The following CDH7 variants were observed in gnomAD, a reference collection of about 807,000 sequenced individuals.
The protein encoded by CDH7 is cadherin 7.
In CDH7, 25 loss-of-function variants were observed where a neutral mutation model predicts 71.8. That is an observed-to-expected ratio of 0.35 (90% confidence interval 0.25 to 0.49). The LOEUF (loss-of-function observed/expected upper bound fraction) is 0.49. Ranked by LOEUF, CDH7 falls within the 20% of genes least tolerant of loss-of-function variation. The probability of loss-of-function intolerance (pLI) is 0.99; values close to 1 mark genes in which losing one functional copy is unlikely to be tolerated. For missense variants in CDH7, 862 were observed against 974.6 expected, an observed-to-expected ratio of 0.88 and a Z score of 1.54; for synonymous variants, 381 against 363.8, an observed-to-expected ratio of 1.05 and a Z score of -0.54.
chr18:65,759,741 T>G (rs1916139220), intron 1 of CDH7, among the ~76,000 whole-genome samples: 1 of 152,166 alleles, frequency 6.6e-6, no homozygotes, highest in South Asian at 2.1e-4. Flanking sequence ...CAATCCAAGG[T>G]CGTACAAAGT....
At chr18:65,804,107 A>G (rs1197659276) in intron 2 of CDH7, among the ~76,000 whole-genome samples, 1 of 152,156 alleles carries the variant, frequency 6.6e-6, no homozygotes, top group Non-Finnish European at 1.5e-5. Context: ...CACAATACAT[A>G]TTATCTCTTT....
At chr18:65,813,446 A>G (rs1277985335) in intron 3 of CDH7, among the ~76,000 whole-genome samples, 2 of 152,198 alleles carry the variant, frequency 1.3e-5, no homozygotes, top group African/African-American at 4.8e-5. Context: ...AATGAAATAT[A>G]TATAGAAAAT....
intron 2 of CDH7, among the ~76,000 whole-genome samples, chr18:65,805,527 G>A (rs1271963586): frequency 6.6e-6 from 1 of 152,048 alleles, no homozygotes; most frequent in Non-Finnish European, 1.5e-5. Flanking sequence ...AAAGAAGGAG[G>A]ATCAAGAGTC....
At chr18:65,789,852 T>C (rs1198591587) in intron 2 of CDH7, among the ~76,000 whole-genome samples, 1 of 152,094 alleles carries the variant, frequency 6.6e-6, no homozygotes, top group East Asian at 1.9e-4. Context: ...GTAGGTACTA[T>C]TCAATGAATG....
At chr18:65,844,275 G>A (rs184087150) in intron 7 of CDH7, among the ~76,000 whole-genome samples, 1 of 146,966 alleles carries the variant, frequency 6.8e-6, no homozygotes. Context: ...GGCCATTATC[G>A]TTGAGCCATA....
At chr18:65,841,274 T>TA (rs1381622287) in intron 6 of CDH7, among the ~76,000 whole-genome samples, 1 of 152,136 alleles carries the variant, frequency 6.6e-6, no homozygotes, top group East Asian at 1.9e-4. Context: ...TAGATACATT[T>TA]AAAAAAACAA....
chr18:65,846,634 G>A (rs1488284504), intron 7 of CDH7, among the ~76,000 whole-genome samples: 2 of 151,976 alleles, frequency 1.3e-5, no homozygotes, highest in Non-Finnish European at 2.9e-5. Flanking sequence ...TATCCCTTAA[G>A]AGGCCAGTCT....
At chr18:65,826,799 C>G (rs1912147812) in intron 6 of CDH7, among the ~76,000 whole-genome samples, 1 of 151,244 alleles carries the variant, frequency 6.6e-6, no homozygotes, top group African/African-American at 2.4e-5. Flanking sequence ...TCTACTTTGA[C>G]TATTATTAGA....
At chr18:65,767,140 G>T (rs1472089080) in intron 2 of CDH7, among the ~76,000 whole-genome samples, 1 of 149,824 alleles carries the variant, frequency 6.7e-6, no homozygotes, top group Admixed American at 6.7e-5. Context: ...CTCATTCAGG[G>T]AAAGTTTATA....
intron 7 of CDH7, among the ~76,000 whole-genome samples, chr18:65,856,498 G>A (rs1913361496): frequency 6.6e-6 from 1 of 152,114 alleles, no homozygotes; most frequent in Admixed American, 6.6e-5. Context: ...AGAGTAAGAT[G>A]CTTGAAGTAG....
At chr18:65,850,299 C>G (rs1323119201) in intron 7 of CDH7, among the ~76,000 whole-genome samples, 1 of 150,924 alleles carries the variant, frequency 6.6e-6, no homozygotes, top group Non-Finnish European at 1.5e-5. Flanking sequence ...GGGAATATTA[C>G]TTTTTATCAT....
chr18:65,849,782 T>TA (rs1913080918), intron 7 of CDH7, among the ~76,000 whole-genome samples: 1 of 152,152 alleles, frequency 6.6e-6, no homozygotes. Context: ...CTTTCTTAGT[T>TA]ACCTTTTTGG....
intron 11 of CDH7, among the ~76,000 whole-genome samples, chr18:65,879,640 T>C (rs2144070898): frequency 6.6e-6 from 1 of 152,302 alleles, no homozygotes; most frequent in Admixed American, 6.5e-5. Context: ...CCAGTGTAGT[T>C]GTTCTTATTT....
chr18:65,812,487 G>A (rs1415862583), intron 3 of CDH7, among the ~76,000 whole-genome samples: 2 of 152,152 alleles, frequency 1.3e-5, no homozygotes, highest in Non-Finnish European at 2.9e-5. Flanking sequence ...TAATCAAAGT[G>A]CTTAAGTCTA....
intron 2 of CDH7, among the ~76,000 whole-genome samples, chr18:65,771,990 C>A (rs1916558221): frequency 6.6e-6 from 1 of 152,146 alleles, no homozygotes; most frequent in South Asian, 2.1e-4. Context: ...AAATGATTAA[C>A]ATCATTCTAG....
intron 5 of CDH7, among the ~76,000 whole-genome samples, chr18:65,822,566 C>A (rs79839159): frequency 5.7e-4 from 4 of 7,054 alleles, no homozygotes; most frequent in East Asian, 0.059. Context: ...AAGAATTACT[C>A]TTTTTATATT....
chr18:65,874,762 T>C (rs1384840650), intron 11 of CDH7, among the ~76,000 whole-genome samples: 1 of 151,874 alleles, frequency 6.6e-6, no homozygotes, highest in Admixed American at 6.6e-5. Context: ...CATACATGTA[T>C]ATATAGATAT....
intron 5 of CDH7, among the ~76,000 whole-genome samples, chr18:65,822,868 A>G (rs1911985924): frequency 6.6e-6 from 1 of 151,948 alleles, no homozygotes; most frequent in African/African-American, 2.4e-5. Context: ...TTAACCAAGA[A>G]AAAAGAAAAA....
chr18:65,792,522 G>C lies in CDH7; in HGVS notation c.211-17182G>C, dbSNP rs150466885. On this transcript the variant is annotated intron_variant, in intron 2 of 11. Coordinates refer to ENST00000397968, the MANE Select transcript of CDH7 (RefSeq NM_004361.5). Reference sequence around the variant, plus strand: ...TTATAATTTAAGAAAGGACAATGCAGATAGAAGAATCTATGTATCTTCCTT... The same window carrying C: ...TTATAATTTAAGAAAGGACAATGCACATAGAAGAATCTATGTATCTTCCTT... Among the ~76,000 whole-genome samples the C allele has an allele frequency of 2.7e-3, 404 of 152,176 alleles. 5 individuals carry two copies. The highest frequency in any genetic ancestry group is 9.4e-3 in the African/African-American group (389 of 41,514).
Sources: allele counts gnomAD v4.1 joint callset (sites outside exome capture counted in the v4.1 genomes callset), GRCh38; gene constraint gnomAD v4.1.1; transcripts MANE v1.5; gene names NCBI Gene and HGNC (gene_info 2026-07-23, HGNC 2026-07-21).